MCM3: variants seen among roughly 807,000 people sequenced by gnomAD.
MCM3 encodes the protein minichromosome maintenance complex component 3.
In MCM3, 59 loss-of-function variants were observed where a neutral mutation model predicts 91.3. The observed-to-expected ratio is 0.65, with a 90% CI of 0.52 to 0.80. MCM3 has a LOEUF of 0.80. MCM3 is among the 30% of genes least tolerant of loss of function. The probability of loss-of-function intolerance (pLI) is 0.00; values close to 1 mark genes in which losing one functional copy is unlikely to be tolerated. For missense variants in MCM3, 919 were observed against 1,035.4 expected (o/e 0.89, Z 1.54); for synonymous variants, 383 against 379.6 (o/e 1.01, Z -0.10).
chr6:52,277,326 C>T, intron 7 of MCM3, 128 bp from the exon 8 acceptor site: 1 of 1,086,122 alleles, frequency 9.2e-7, no homozygotes, highest in South Asian at 1.7e-5. Context: ...TTTTCCTTCG[C>T]TTTTCCCTTC....
chr6:52,266,669 T>C lies in MCM3; in HGVS notation c.2100A>G (p.Lys700=). The part of the protein sequence containing the change: ...KRRKTRQPDA[K]DGDSYDPYDF... The stretch of plus-strand genomic sequence containing the variant: ...CATAGGGGTCGTATGAATCCCCATC[T>C]TTGGCATCTGGCTGGCGAGTCTTCC... The change falls in exon 15 of 17, where the codon AAA becomes AAG. Residue 700 remains lysine, a synonymous_variant. Coordinates refer to ENST00000596288, the MANE Select transcript of MCM3 (RefSeq NM_002388.6). The C allele has an allele frequency of 6.2e-7, 1 of 1,614,188 alleles. No homozygotes were observed. Among genetic ancestry groups the C allele is most frequent in the Non-Finnish European group, 8.5e-7 (1 of 1,180,000 alleles).
chr6:52,268,214 T>C (rs749691451), intron 13 of MCM3, among the ~76,000 whole-genome samples: 9 of 152,252 alleles, frequency 5.9e-5, no homozygotes, highest in South Asian at 2.1e-4. Flanking sequence ...AAATGTTTAC[T>C]GAATAAAGAA....
Position 52,282,635 on chromosome 6 carries a change from C to T in MCM3, c.400+18G>A, listed in dbSNP as rs1766204454. On this transcript the variant is annotated intron_variant, in intron 3 of 16. Transcript: ENST00000596288. ...CCTGTCTATTCATTTCCTAAGCGGC[C>T]CCCTTTAACCCACTTACATTTAGTG... 2.5e-6 allele frequency: 4 copies of T among 1,610,418 alleles called. No homozygotes were observed. Among genetic ancestry groups the T allele is most frequent in the Non-Finnish European group, 2.5e-6 (3 of 1,178,108 alleles).
At chr6:52,274,436 T>A (rs1408077135) in intron 9 of MCM3, among the ~76,000 whole-genome samples, 1 of 152,110 alleles carries the variant, frequency 6.6e-6, no homozygotes, top group Non-Finnish European at 1.5e-5. Context: ...TCCCAGCACT[T>A]TGGGAGTCTG....
chr6:52,282,976 T>C (rs17239832), intron 2 of MCM3, 115 bp from the exon 3 acceptor site: 45 of 765,998 alleles, frequency 5.9e-5, no homozygotes, highest in African/African-American at 3.8e-4. Flanking sequence ...CAGCTTCTGC[T>C]TTCTCCTATA....
rs543820428 is a variant in MCM3 at position 52,275,472 on chromosome 6, AG to A, written c.1374+795del. On this transcript the variant is annotated intron_variant, in intron 9 of 16. Coordinates refer to ENST00000596288, the MANE Select transcript of MCM3 (RefSeq NM_002388.6). ...AAAGCATTTATGAGCATTCATTAAT[AG>A]AAGTATTAATATGGTACAATCTTTA... Among the ~76,000 whole-genome samples the A allele has an allele frequency of 3.7e-4, 57 of 152,404 alleles. 1 individual carries two copies. In the South Asian group the frequency reaches 0.012, roughly 32 times the overall value.
chr6:52,282,771 C>T lies in MCM3; in HGVS notation c.282G>A (p.Gln94=). 1 of 1,614,096 alleles carries T rather than the reference C, an allele frequency of 6.2e-7. No individual in the cohort carries two copies. The highest frequency in any genetic ancestry group is 8.5e-7 in the Non-Finnish European group (1 of 1,180,030). Reference sequence around the variant, plus strand: ...CCAGTCCTACGTAGAACTCCTCATACTGCTTGGCATAGGTAGCATCAATGG... The same window carrying T: ...CCAGTCCTACGTAGAACTCCTCATATTGCTTGGCATAGGTAGCATCAATGG... ...VASIDATYAK[Q]YEEFYVGLEG... Residue 94 remains glutamine (Q), a synonymous_variant, in exon 3 of 17, where the codon CAG becomes CAA. Coordinates refer to ENST00000596288, the MANE Select transcript of MCM3 (RefSeq NM_002388.6).
rs780522876 is a variant in MCM3 at position 52,277,132 on chromosome 6, G to A, written c.1100C>T (p.Pro367Leu). 6.2e-7 allele frequency: 1 copy of A among 1,614,066 alleles called. No homozygotes were observed. The highest frequency in any genetic ancestry group is 1.7e-5 in the Admixed American group (1 of 60,010). Reference sequence around the variant, plus strand: ...TCCAGAGGAGCCCCGGCCAGTGGTGGGGATAGCTCGGGGTGCAGTGCAAAG... The same window carrying A: ...TCCAGAGGAGCCCCGGCCAGTGGTGAGGATAGCTCGGGGTGCAGTGCAAAG... ...YVLCTAPRAI[P>L]TTGRGSSGVG... Residue 367 changes from proline (P) to leucine (L), a missense_variant, in exon 8 of 17, where the codon CCC becomes CTC. By Grantham distance (98) the Pro-to-Leu change is moderately conservative. Coordinates refer to ENST00000596288, the MANE Select transcript of MCM3 (RefSeq NM_002388.6).
intron 5 of MCM3, 45 bp from the exon 6 acceptor site, chr6:52,278,895 T>TA: frequency 7.3e-7 from 1 of 1,371,310 alleles, no homozygotes; most frequent in Middle Eastern, 1.8e-4. Context: ...ATTCAATTCC[T>TA]AACATCAGTA....
chr6:52,271,534 C>G (rs889112318), intron 12 of MCM3, among the ~76,000 whole-genome samples: 24 of 152,242 alleles, frequency 1.6e-4, no homozygotes, highest in Admixed American at 1.5e-3. Flanking sequence ...CCCAGCTACT[C>G]AGGAGGCTGA....
At position 52,264,482 on chromosome 6, in the gene MCM3, A is replaced by G. The variant is rs1764479588; in HGVS notation, c.*106T>C. 7 of 1,245,318 alleles carry G rather than the reference A, an allele frequency of 5.6e-6. No homozygotes were observed. The highest frequency in any genetic ancestry group is 8.1e-6 in the Non-Finnish European group (7 of 866,852). The allele number at this position is 1,245,318 out of a possible 1,614,324, so 77.1% of individuals were successfully genotyped here. On this transcript the variant is annotated 3_prime_UTR_variant, in exon 17 of 17. Coordinates refer to ENST00000596288, the MANE Select transcript of MCM3 (RefSeq NM_002388.6). ...ACCAACATTCCTCGCCTTCAGTTGA[A>G]TTCAACACTGTTAAGGGAGTAGAGG...
In MCM3 at chr6:52,264,443, A is replaced by G; in HGVS notation, c.*145T>C. ...TTCCCAAAGGGTCCACCGAGTCCTG[A>G]ACTCAGCTTCATCACCAACATTCCT... On this transcript the variant is annotated 3_prime_UTR_variant, in exon 17 of 17. Coordinates refer to ENST00000596288, the MANE Select transcript of MCM3 (RefSeq NM_002388.6). The G allele has an allele frequency of 1.2e-6, 1 of 858,004 alleles. No individual in the cohort carries two copies. Among genetic ancestry groups the G allele is most frequent in the East Asian group, 2.6e-5 (1 of 38,238 alleles). 53.1% of individuals were successfully genotyped at this position (858,004 alleles called of 1,614,324 possible). A position where few individuals can be genotyped will look rare whatever the true frequency, so the allele number is the denominator to read the frequency against.
intron 12 of MCM3, among the ~76,000 whole-genome samples, chr6:52,270,799 C>T (rs143332968): frequency 1.3e-5 from 2 of 152,246 alleles, no homozygotes; most frequent in African/African-American, 2.4e-5. Context: ...GGAAGACAGG[C>T]GATACACAAC....
rs200196416 is a variant in MCM3, at chr6:52,280,929, TTTTG to T, written c.531+1112_531+1115del. ...TTATAATTCTAAGATATTCATTCGT[TTTTG>T]TTTATGTTTCATTTCTCCACCACTG... On this transcript the variant is annotated intron_variant, in intron 4 of 16. Coordinates refer to ENST00000596288, the MANE Select transcript of MCM3 (RefSeq NM_002388.6). 8.3e-4 allele frequency among the ~76,000 whole-genome samples: 126 copies of T among 152,356 alleles called. 3 individuals carry two copies. The East Asian group carries it at 0.019, about 23-fold the overall frequency.
rs1323593904 is a variant in MCM3, at chr6:52,282,175, C to A, written c.401G>T (p.Cys134Phe). 3 of 1,613,904 alleles carry A rather than the reference C, an allele frequency of 1.9e-6. No homozygotes were observed. The highest frequency in any genetic ancestry group is 3.3e-4 in the Middle Eastern group (2 of 6,062). The change falls in exon 4 of 17, where the codon TGT becomes TTT. Residue 134 changes from cysteine (C) to phenylalanine (F), a missense_variant and splice_region_variant. By Grantham distance (205) the Cys-to-Phe change is radical. This residue lies in a region of MCM3 where 401 missense variants were observed against 402.7 expected (regional missense o/e 1.00). Transcript: ENST00000596288. The part of the protein sequence containing the change: ...VVCVEGIVTK[C>F]SLVRPKVVRS... ...GACGACTTTGGGACGAACTAGAGAACCTAGGGATGGAAAATGTGCATATAT... is the reference window on the plus strand; with the variant it reads ...GACGACTTTGGGACGAACTAGAGAAACTAGGGATGGAAAATGTGCATATAT...
intron 13 of MCM3, 126 bp downstream of exon 13, chr6:52,268,960 C>G (rs1433101093): frequency 4.9e-6 from 5 of 1,021,734 alleles, no homozygotes; most frequent in Non-Finnish European, 5.7e-6. Flanking sequence ...AGACTGATGA[C>G]TGGAAGACAA....
At chr6:52,265,366 A>G (rs1211731811) in intron 16 of MCM3, 8 of 349,214 alleles carry the variant, frequency 2.3e-5, no homozygotes, top group African/African-American at 8.8e-5. Flanking sequence ...CAGCCTGGGC[A>G]ACATGGTGAG....
chr6:52,279,726 C>T, intron 4 of MCM3, 127 bp from the exon 5 acceptor site: 1 of 701,034 alleles, frequency 1.4e-6, no homozygotes, highest in Non-Finnish European at 2.4e-6. Context: ...AAGCCAAGTA[C>T]CTTCTCTAGC....
intron 12 of MCM3, among the ~76,000 whole-genome samples, chr6:52,270,696 C>T (rs3789775): frequency 0.11 from 16,832 of 151,988 alleles, 1,269 homozygotes; most frequent in South Asian, 0.26. Flanking sequence ...TAGTGTATGA[C>T]GCTCAGTTCT....
Sources: allele counts gnomAD v4.1 joint callset (sites outside exome capture counted in the v4.1 genomes callset), GRCh38; gene constraint gnomAD v4.1.1; regional missense constraint gnomAD v4.1.1; transcripts MANE v1.5; gene names NCBI Gene and HGNC (gene_info 2026-07-23, HGNC 2026-07-21).